The following UBR1 variants were observed in gnomAD, a reference collection of about 807,000 sequenced individuals.
The protein encoded by UBR1 is E3 ubiquitin-protein ligase UBR1.
Under a neutral mutation model 242.1 loss-of-function variants are expected in UBR1, and 102 were observed. The observed-to-expected ratio is 0.42, with a 90% CI of 0.36 to 0.50. UBR1 has a LOEUF of 0.50. Among genes scored for constraint, UBR1 ranks in the 20% least tolerant of loss-of-function variants. UBR1 has a pLI of 0.01. For synonymous variants in UBR1, 675 were observed against 684.8 expected (o/e 0.99, Z 0.22); for missense variants, 1,772 against 2,101.8 (o/e 0.84, Z 3.07).
At chr15:42,997,928 G>T (rs368127212) in intron 33 of UBR1, among the ~76,000 whole-genome samples, 4 of 152,050 alleles carry the variant, frequency 2.6e-5, no homozygotes, top group African/African-American at 9.7e-5. Flanking sequence ...TTGACTGCTT[G>T]GAATAATCAG....
In UBR1 at chr15:43,036,182, T is replaced by C; in HGVS notation, c.2186A>G (p.Asp729Gly). Residue 729 changes from aspartate (D) to glycine (G), a missense_variant, in exon 19 of 47, where the codon GAC (aspartate) becomes GGC (glycine). Physicochemically the swap from Asp to Gly is moderately conservative, Grantham distance 94. This residue lies in a region of UBR1 where 734 missense variants were observed against 893.3 expected (regional missense o/e 0.82). Transcript: ENST00000290650. Reference protein sequence around the residue: ...EAFNKTISTKDQDLIKQYNTL... With the variant: ...EAFNKTISTKGQDLIKQYNTL... Reference sequence around the variant, plus strand: ...CATAATTTACAGGTTGTATACCTGGTCTTTTGTAGATATGGTCTTGTTAAA... The same window carrying C: ...CATAATTTACAGGTTGTATACCTGGCCTTTTGTAGATATGGTCTTGTTAAA... 1.2e-6 allele frequency: 2 copies of C among 1,609,634 alleles called. No homozygotes were observed. The highest frequency in any genetic ancestry group is 1.1e-5 in the South Asian group (1 of 90,978).
chr15:42,976,842 G>C lies in UBR1; in HGVS notation c.4244C>G (p.Ser1415Cys). Residue 1415 changes from serine (S) to cysteine (C), a missense_variant, in exon 39 of 47, where the codon TCC becomes TGC. By Grantham distance (112) the Ser-to-Cys change is moderately radical (BLOSUM62 -1). Transcript: ENST00000290650. ...VLVGAVLAFP[S>C]LYWDDPVDLQ... ...ATCAACAGGGTCATCCCAATACAAG[G>C]ATGGGAATGCTAACACAGCACCCAC... The C allele has an allele frequency of 6.2e-7, 1 of 1,613,950 alleles. No individual in the cohort carries two copies. The highest frequency in any genetic ancestry group is 8.5e-7 in the Non-Finnish European group (1 of 1,179,930).
At chr15:43,036,070 A>C in intron 19 of UBR1, 108 bp downstream of exon 19, 3 of 997,762 alleles carry the variant, frequency 3.0e-6, no homozygotes, top group Non-Finnish European at 4.6e-6. Flanking sequence ...CCTAAAACTT[A>C]AAGTATAATT....
intron 28 of UBR1, among the ~76,000 whole-genome samples, chr15:43,016,588 T>C (rs939112754): frequency 6.6e-6 from 1 of 152,200 alleles, no homozygotes; most frequent in Non-Finnish European, 1.5e-5. Flanking sequence ...TTTGGTTTTT[T>C]GTTTTTGGGA....
intron 6 of UBR1, among the ~76,000 whole-genome samples, chr15:43,064,586 T>C (rs1596126545): frequency 1.3e-5 from 2 of 151,784 alleles, no homozygotes; most frequent in East Asian, 3.9e-4. Context: ...TCTTTTTTTT[T>C]TTTTTTTTGA....
chr15:43,087,061 G>A (rs189912395), intron 1 of UBR1, among the ~76,000 whole-genome samples: 12 of 152,162 alleles, frequency 7.9e-5, no homozygotes, highest in African/African-American at 2.4e-4. Context: ...TATGACTCAA[G>A]GCACATCATT....
chr15:43,039,655 C>T lies in UBR1; in HGVS notation c.1850-1423G>A, dbSNP rs562388297. ...ACACTTTGACTTCCTCTTTTCCTAA[C>T]TGAATACACTTTATTTCTTTCTCCT... On this transcript the variant is annotated intron_variant, in intron 15 of 46. Transcript: ENST00000290650. Among the ~76,000 whole-genome samples the T allele has an allele frequency of 3.3e-5, 5 of 152,254 alleles. 1 individual carries two copies. Among genetic ancestry groups the T allele is most frequent in the African/African-American group, 1.2e-4 (5 of 41,552 alleles).
intron 33 of UBR1, among the ~76,000 whole-genome samples, chr15:42,994,684 C>G (rs1489624185): frequency 6.6e-6 from 1 of 152,206 alleles, no homozygotes; most frequent in Non-Finnish European, 1.5e-5. Flanking sequence ...AATGCTTACA[C>G]ATTCTCTGCA....
At chr15:43,002,194 C>G (rs1194014579) in intron 32 of UBR1, among the ~76,000 whole-genome samples, 1 of 152,114 alleles carries the variant, frequency 6.6e-6, no homozygotes, top group Non-Finnish European at 1.5e-5. Context: ...AAAACAGGCA[C>G]AAATTAAAGA....
chr15:43,003,982 A>C (rs768731033), intron 30 of UBR1, 52 bp from the exon 31 acceptor site: 5 of 1,502,240 alleles, frequency 3.3e-6, no homozygotes, highest in Non-Finnish European at 4.6e-6. Flanking sequence ...TATCAGGTCC[A>C]AAGTCTAATC....
chr15:43,086,114 T>C lies in UBR1; in HGVS notation c.208A>G (p.Ile70Val), dbSNP rs772225984. The C allele has an allele frequency of 5.0e-6, 8 of 1,613,936 alleles. No individual in the cohort carries two copies. The highest frequency in any genetic ancestry group is 3.3e-5 in the South Asian group (3 of 91,088). The change falls in exon 2 of 47, where the codon ATA (isoleucine) becomes GTA (valine). Residue 70 changes from isoleucine (I) to valine (V), a missense_variant. By Grantham distance (29) the Ile-to-Val change is conservative. Transcript: ENST00000290650. Reference sequence around the variant, plus strand: ...AAGTACCATTCCAGTGGAGTGAATATTGACATTTGTACACTTTCCTCCTGC... The same window carrying C: ...AAGTACCATTCCAGTGGAGTGAATACTGACATTTGTACACTTTCCTCCTGC... Reference protein sequence around the residue: ...EKQEESVQMSIFTPLEWYLFG... With the variant: ...EKQEESVQMSVFTPLEWYLFG...
Position 42,998,218 on chromosome 15 carries a change from A to G in UBR1, c.3707T>C (p.Ile1236Thr), listed in dbSNP as rs1422824446. ...LAQLLTLARW[I>T]QTVLARISGY... ...TGATATTCTGGCCAGAACAGTCTGT[A>G]TCCACCGTGCCAGGGTCAAAAGTTG... The change falls in exon 33 of 47, where the codon ATA (isoleucine) becomes ACA (threonine). Residue 1236 changes from isoleucine to threonine, a missense_variant. Physicochemically the swap from Ile to Thr is moderately conservative, Grantham distance 89. Coordinates refer to ENST00000290650, the MANE Select transcript of UBR1 (RefSeq NM_174916.3). 6.2e-7 allele frequency: 1 copy of G among 1,614,056 alleles called. No individual in the cohort carries two copies. Among genetic ancestry groups the G allele is most frequent in the Non-Finnish European group, 8.5e-7 (1 of 1,179,994 alleles).
At chr15:43,026,734 T>C in intron 22 of UBR1, 71 bp from the exon 23 acceptor site, 1 of 1,343,222 alleles carries the variant, frequency 7.4e-7, no homozygotes, top group Non-Finnish European at 1.1e-6. Flanking sequence ...AATAAAAACC[T>C]AAAAATTAAT....
intron 3 of UBR1, among the ~76,000 whole-genome samples, chr15:43,077,172 T>G (rs1313467301): frequency 9.6e-6 from 1 of 104,692 alleles, no homozygotes; most frequent in African/African-American, 3.7e-5. Flanking sequence ...TCATTGGGGA[T>G]GGGCCATGAT....
intron 14 of UBR1, among the ~76,000 whole-genome samples, chr15:43,043,846 CAT>C (rs915699325): frequency 6.6e-6 from 1 of 152,028 alleles, no homozygotes; most frequent in Non-Finnish European, 1.5e-5. Context: ...TTGTAGGAAA[CAT>C]AAGATATACC....
At chr15:43,022,294 T>C (rs4573908) in intron 26 of UBR1, among the ~76,000 whole-genome samples, 121,618 of 152,034 alleles carry the variant, frequency 0.8, 49,747 homozygotes, top group Non-Finnish European at 0.89. Flanking sequence ...ATGAACGTTA[T>C]CATTCAGATT....
intron 1 of UBR1, among the ~76,000 whole-genome samples, chr15:43,102,608 T>C (rs952247250): frequency 6.6e-6 from 1 of 152,216 alleles, no homozygotes; most frequent in Non-Finnish European, 1.5e-5. Context: ...GCAGAAGTTC[T>C]GGCAGACTAC....
intron 1 of UBR1, among the ~76,000 whole-genome samples, chr15:43,089,848 A>G (rs2034087149): frequency 6.6e-6 from 1 of 152,208 alleles, no homozygotes; most frequent in Non-Finnish European, 1.5e-5. Flanking sequence ...AAAGTACTCT[A>G]AAAGTGTTAA....
At chr15:42,957,931 G>T in intron 44 of UBR1, 82 bp downstream of exon 44, 1 of 1,158,374 alleles carries the variant, frequency 8.6e-7, no homozygotes, top group Non-Finnish European at 1.3e-6. Context: ...AAACAAGGAA[G>T]TGTGTTAGTT....
Sources: gnomAD v4.1 joint callset for allele counts (sites outside exome capture counted in the v4.1 genomes callset) on GRCh38, gnomAD v4.1.1 for gene constraint, gnomAD v4.1.1 regional missense constraint, MANE v1.5 for transcripts, NCBI Gene and HGNC (gene_info 2026-07-23, HGNC 2026-07-21) for gene names.